Variants in PPARGC1A observed in about 807,000 individuals in gnomAD.
The protein encoded by PPARGC1A is PPARG coactivator 1 alpha, also known as peroxisome proliferator-activated receptor gamma coactivator 1-alpha.
In PPARGC1A, 25 loss-of-function variants were observed where a neutral mutation model predicts 88.7. That is an observed-to-expected ratio of 0.28 (90% CI 0.21 to 0.39). The LOEUF is 0.39. PPARGC1A is among the 10% of genes least tolerant of loss of function. The pLI is 1.00. For missense variants in PPARGC1A, 880 were observed against 968.7 expected (o/e 0.91, Z 1.22); for synonymous variants, 363 against 355.6 (o/e 1.02, Z -0.24).
chr4:24,279,735 C>T, the PPARGC1A span, among the ~76,000 whole-genome samples: 20 of 152,244 alleles, frequency 1.3e-4, no homozygotes, highest in Middle Eastern at 3.4e-3. Context: ...GGGTGACTGA[C>T]TGTCACGCTC....
At chr4:24,213,020 A>C in the PPARGC1A span, among the ~76,000 whole-genome samples, 1 of 152,064 alleles carries the variant, frequency 6.6e-6, no homozygotes, top group Non-Finnish European at 1.5e-5. Flanking sequence ...GTTGGTGGAC[A>C]CCTGCCAGCC....
At chr4:23,998,258 A>C in the PPARGC1A span, among the ~76,000 whole-genome samples, 1 of 152,362 alleles carries the variant, frequency 6.6e-6, no homozygotes, top group Middle Eastern at 3.4e-3. Context: ...GTGGAAAATG[A>C]TTAAATACAT....
At chr4:24,136,792 A>G in the PPARGC1A span, among the ~76,000 whole-genome samples, 1 of 152,144 alleles carries the variant, frequency 6.6e-6, no homozygotes, top group African/African-American at 2.4e-5. Flanking sequence ...ATGTGACTGT[A>G]TTTGGAGATA....
chr4:24,066,768 G>A, the PPARGC1A span, among the ~76,000 whole-genome samples: 9 of 151,476 alleles, frequency 5.9e-5, no homozygotes, highest in African/African-American at 2.2e-4. Flanking sequence ...CCCCAAATAT[G>A]AGAGATTGAA....
At chr4:24,397,264 T>C in the PPARGC1A span, among the ~76,000 whole-genome samples, 11 of 152,306 alleles carry the variant, frequency 7.2e-5, no homozygotes, top group African/African-American at 2.6e-4. Context: ...CCTCTGAGTC[T>C]ACTGGAACCG....
chr4:24,372,316 T>C, the PPARGC1A span, among the ~76,000 whole-genome samples: 9 of 152,228 alleles, frequency 5.9e-5, no homozygotes, highest in Admixed American at 5.2e-4. Context: ...CTGAAGAGCT[T>C]TATAAAAACG....
the PPARGC1A span, among the ~76,000 whole-genome samples, chr4:24,465,067 T>G: frequency 6.6e-6 from 1 of 152,230 alleles, no homozygotes; most frequent in East Asian, 1.9e-4. Context: ...GGTCTCCCTG[T>G]GTTGCTCAGG....
At chr4:23,823,343 A>G (rs1723349092) in intron 7 of PPARGC1A, among the ~76,000 whole-genome samples, 1 of 152,134 alleles carries the variant, frequency 6.6e-6, no homozygotes, top group East Asian at 1.9e-4. Context: ...TATACAAGAA[A>G]GATGAATCAA....
the PPARGC1A span, among the ~76,000 whole-genome samples, chr4:24,253,023 C>T: frequency 6.6e-6 from 1 of 151,958 alleles, no homozygotes; most frequent in East Asian, 1.9e-4. Context: ...AATTGGACTC[C>T]CATTTACTTT....
the PPARGC1A span, among the ~76,000 whole-genome samples, chr4:24,243,180 T>A: frequency 1.3e-5 from 2 of 152,210 alleles, no homozygotes; most frequent in African/African-American, 4.8e-5. Context: ...ATAATTTACA[T>A]CCACTCAACA....
the PPARGC1A span, among the ~76,000 whole-genome samples, chr4:24,171,314 G>A: frequency 6.6e-6 from 1 of 151,958 alleles, no homozygotes; most frequent in African/African-American, 2.4e-5. Flanking sequence ...GTTGAGGCAG[G>A]AGAATCCCTT....
At chr4:24,259,534 G>A in the PPARGC1A span, among the ~76,000 whole-genome samples, 3 of 152,032 alleles carry the variant, frequency 2.0e-5, no homozygotes, top group African/African-American at 2.4e-5. Context: ...ATAATACAGC[G>A]ATATCATATT....
chr4:24,411,612 C>A, the PPARGC1A span, among the ~76,000 whole-genome samples: 3 of 152,196 alleles, frequency 2.0e-5, no homozygotes, highest in Non-Finnish European at 4.4e-5. Context: ...CATGCAACCA[C>A]CACTGTAGTA....
At chr4:24,468,105 C>T in the PPARGC1A span, among the ~76,000 whole-genome samples, 7 of 152,130 alleles carry the variant, frequency 4.6e-5, no homozygotes, top group Non-Finnish European at 1.0e-4. Context: ...TGGCCTGCTT[C>T]GATTTGGGCT....
the PPARGC1A span, among the ~76,000 whole-genome samples, chr4:23,963,744 T>C: frequency 1.3e-5 from 2 of 152,184 alleles, no homozygotes; most frequent in East Asian, 3.9e-4. Context: ...AACCGCATAA[T>C]TGCTTTCATG....
the PPARGC1A span, among the ~76,000 whole-genome samples, chr4:24,256,806 G>T: frequency 6.6e-6 from 1 of 152,124 alleles, no homozygotes; most frequent in Non-Finnish European, 1.5e-5. Context: ...AGAGGTCATT[G>T]TCTTCCGAAA....
intron 12 of PPARGC1A, among the ~76,000 whole-genome samples, chr4:23,800,332 C>A (rs144542281): frequency 6.6e-6 from 1 of 151,846 alleles, no homozygotes; most frequent in Admixed American, 6.6e-5. Flanking sequence ...TTACTATGCA[C>A]ACATTAGATG....
the PPARGC1A span, among the ~76,000 whole-genome samples, chr4:24,255,302 G>A: frequency 5.9e-5 from 9 of 152,120 alleles, no homozygotes; most frequent in Non-Finnish European, 8.8e-5. Flanking sequence ...ATACTATTAT[G>A]CATTTCTATT....
chr4:24,133,885 T>G, the PPARGC1A span, among the ~76,000 whole-genome samples: 1 of 152,194 alleles, frequency 6.6e-6, no homozygotes, highest in African/African-American at 2.4e-5. Flanking sequence ...GGTTTACCCT[T>G]AAATCCTAAA....
Sources: gnomAD v4.1 joint callset for allele counts (sites outside exome capture counted in the v4.1 genomes callset) on GRCh38, gnomAD v4.1.1 for gene constraint, MANE v1.5 for transcripts, NCBI Gene and HGNC (gene_info 2026-07-23, HGNC 2026-07-21) for gene names.